The following CSRNP2 variants were observed in gnomAD, a reference collection of about 807,000 sequenced individuals.
CSRNP2 encodes cysteine and serine rich nuclear protein 2, also known as cysteine/serine-rich nuclear protein 2.
In CSRNP2, 11 loss-of-function variants were observed where a neutral mutation model predicts 36.6. The observed-to-expected ratio is 0.30, with a 90% CI of 0.19 to 0.50. CSRNP2 has a LOEUF of 0.50. CSRNP2 is among the 20% of genes least tolerant of loss of function. The probability of loss-of-function intolerance (pLI) is 0.98; values close to 1 mark genes in which losing one functional copy is unlikely to be tolerated. For synonymous variants in CSRNP2, 248 were observed against 275.3 expected (o/e 0.90, Z 0.98); for missense variants, 483 against 691.4 (o/e 0.70, Z 3.38).
At chr12:51,064,751 G>T in intron 4 of CSRNP2, 82 bp from the exon 5 acceptor site, 2 of 1,276,378 alleles carry the variant, frequency 1.6e-6, no homozygotes, top group Non-Finnish European at 2.1e-6. Flanking sequence ...TGGCAAACAG[G>T]CAGTTGGGAT....
At chr12:51,071,517 C>T (rs905314157) in intron 3 of CSRNP2, among the ~76,000 whole-genome samples, 1 of 152,058 alleles carries the variant, frequency 6.6e-6, no homozygotes, top group African/African-American at 2.4e-5. Flanking sequence ...GTAGTCCCAA[C>T]TACTTGGGAG....
chr12:51,064,300 T>C lies in CSRNP2; in HGVS notation c.1078A>G (p.Ile360Val). ...DSSIESLGVC[I>V]LEEPLAVPEE... The stretch of plus-strand genomic sequence containing the variant: ...GGGACAGCCAGAGGCTCCTCTAGGA[T>C]GCACACACCCAGGCTCTCGATGCTC... The change falls in exon 5 of 5, where the codon ATC becomes GTC. Residue 360 changes from isoleucine (I) to valine (V), a missense_variant. Physicochemically the swap from Ile to Val is conservative, Grantham distance 29. Coordinates refer to ENST00000228515, the MANE Select transcript of CSRNP2 (RefSeq NM_030809.3). 2 of 1,613,850 alleles carry C rather than the reference T, an allele frequency of 1.2e-6. No homozygotes were observed. The highest frequency in any genetic ancestry group is 4.5e-5 in the East Asian group (2 of 44,872).
chr12:51,071,963 G>A (rs141533346), intron 3 of CSRNP2, among the ~76,000 whole-genome samples: 1 of 151,636 alleles, frequency 6.6e-6, no homozygotes, highest in East Asian at 1.9e-4. Flanking sequence ...CAGGTGTAGG[G>A]CTTTAGGAAT....
intron 4 of CSRNP2, among the ~76,000 whole-genome samples, chr12:51,065,601 G>A (rs1938106544): frequency 6.6e-6 from 1 of 152,020 alleles, no homozygotes; most frequent in African/African-American, 2.4e-5. Context: ...GGGATTACAG[G>A]TGTGAGCCAC....
chr12:51,076,600 GGCCCCAAA>G lies in CSRNP2; in HGVS notation c.-47_-40del. 2 of 1,612,480 alleles carry G rather than the reference GGCCCCAAA, an allele frequency of 1.2e-6. No homozygotes were observed. The highest frequency in any genetic ancestry group is 2.2e-5 in the South Asian group (2 of 91,012). On this transcript the variant is annotated 5_prime_UTR_variant, in exon 2 of 5. Transcript: ENST00000228515. ...GTTTCCTTGGGGAGCCCACCAAGTT[GGCCCCAAA>G]GCCCCTACTCACCACCAGCTAGCCA...
chr12:51,073,264 G>A (rs182545506), intron 3 of CSRNP2, among the ~76,000 whole-genome samples: 1 of 151,512 alleles, frequency 6.6e-6, no homozygotes, highest in East Asian at 1.9e-4. Flanking sequence ...TAAAATTGAG[G>A]GAGGCAGTGG....
chr12:51,075,672 C>T (rs1939367052), intron 2 of CSRNP2, among the ~76,000 whole-genome samples: 1 of 152,190 alleles, frequency 6.6e-6, no homozygotes, highest in African/African-American at 2.4e-5. Flanking sequence ...TCCAACAAAA[C>T]AGGCATTGGG....
chr12:51,064,004 T>A lies in CSRNP2; in HGVS notation c.1374A>T (p.Ser458=), dbSNP rs754050144. 2 of 1,613,962 alleles carry A rather than the reference T, an allele frequency of 1.2e-6. No individual in the cohort carries two copies. Among genetic ancestry groups the A allele is most frequent in the African/African-American group, 2.7e-5 (2 of 74,990 alleles). The change falls in exon 5 of 5, where the codon TCA becomes TCT. Residue 458 remains serine (S), a synonymous_variant. Coordinates refer to ENST00000228515, the MANE Select transcript of CSRNP2 (RefSeq NM_030809.3). ...GGTCTGTGGAGCTACAAGCCACGAG[T>A]GAGGTAACAGGGAGAGAGAAGACAT... The part of the protein sequence containing the change: ...DLNVFSLPVT[S]LVACSSTDPA...
At position 51,076,605 on chromosome 12, in the gene CSRNP2, C is replaced by CA. The variant is rs1253554731; in HGVS notation, c.-45dup. On this transcript the variant is annotated 5_prime_UTR_variant, in exon 2 of 5. Transcript: ENST00000228515. ...CTTGGGGAGCCCACCAAGTTGGCCC[C>CA]AAAGCCCCTACTCACCACCAGCTAG... 6.2e-7 allele frequency: 1 copy of CA among 1,611,580 alleles called. No homozygotes were observed. The highest frequency in any genetic ancestry group is 1.3e-5 in the African/African-American group (1 of 74,874).
chr12:51,070,369 G>A (rs954798558), intron 3 of CSRNP2, among the ~76,000 whole-genome samples: 1 of 152,168 alleles, frequency 6.6e-6, no homozygotes, highest in Non-Finnish European at 1.5e-5. Context: ...TTCGGTACTA[G>A]GCAGGCCAAC....
intron 1 of CSRNP2, chr12:51,082,478 G>A (rs1033855379): frequency 1.3e-5 from 2 of 152,176 alleles, no homozygotes; most frequent in African/African-American, 4.8e-5. Context: ...GGATTTGCAA[G>A]ACAGAAAGCC....
intron 3 of CSRNP2, among the ~76,000 whole-genome samples, chr12:51,070,778 T>A (rs982322838): frequency 1.3e-5 from 2 of 152,028 alleles, no homozygotes; most frequent in Non-Finnish European, 2.9e-5. Context: ...AAGACAAACA[T>A]TAGATGGTAC....
intron 1 of CSRNP2, chr12:51,082,417 A>C (rs1939679394): frequency 6.6e-6 from 1 of 152,154 alleles, no homozygotes; most frequent in African/African-American, 2.4e-5. Context: ...ATTAACTCTC[A>C]AGGATATCCA....
At chr12:51,080,582 C>T (rs1939600159) in intron 1 of CSRNP2, among the ~76,000 whole-genome samples, 1 of 152,198 alleles carries the variant, frequency 6.6e-6, no homozygotes, top group Non-Finnish European at 1.5e-5. Flanking sequence ...CTGAGAATAA[C>T]TGGAACCTAT....
At position 51,073,813 on chromosome 12, in the gene CSRNP2, A is replaced by C. The variant is rs11169696; in HGVS notation, c.411+10T>G. 1,507,567 of 1,612,140 alleles carry C rather than the reference A, an allele frequency of 0.94. 708,631 individuals are homozygous for C. The highest frequency in any genetic ancestry group is 0.96 in the Non-Finnish European group (1,134,024 of 1,179,450). On this transcript the variant is annotated intron_variant, in intron 3 of 4. Coordinates refer to ENST00000228515, the MANE Select transcript of CSRNP2 (RefSeq NM_030809.3). The stretch of plus-strand genomic sequence containing the variant: ...CATGGACAGCAGTAGATCCCAGAAC[A>C]CTTAGGCACCTTCATTTTCTTGGCA...
At position 51,070,483 on chromosome 12, in the gene CSRNP2, G is replaced by A. The variant is rs527997928; in HGVS notation, c.412-2514C>T. 3.3e-5 allele frequency among the ~76,000 whole-genome samples: 5 copies of A among 152,194 alleles called. No individual in the cohort carries two copies. The South Asian group carries it at 6.2e-4, about 19-fold the overall frequency. On this transcript the variant is annotated intron_variant, in intron 3 of 4. Transcript: ENST00000228515. ...TCCTGCTGTCCTCTCATAGGCAAGG[G>A]ATTAGAGATGTAACACGAGGACACT...
At position 51,076,606 on chromosome 12, in the gene CSRNP2, A is replaced by G; in HGVS notation, c.-45T>C. On this transcript the variant is annotated 5_prime_UTR_variant, in exon 2 of 5. Transcript: ENST00000228515. The stretch of plus-strand genomic sequence containing the variant: ...TTGGGGAGCCCACCAAGTTGGCCCC[A>G]AAGCCCCTACTCACCACCAGCTAGC... 2 of 1,611,676 alleles carry G rather than the reference A, an allele frequency of 1.2e-6. No individual in the cohort carries two copies. The highest frequency in any genetic ancestry group is 1.7e-6 in the Non-Finnish European group (2 of 1,178,228).
intron 1 of CSRNP2, among the ~76,000 whole-genome samples, chr12:51,080,717 T>C (rs922933283): frequency 1.4e-4 from 22 of 152,186 alleles, no homozygotes; most frequent in African/African-American, 5.3e-4. Flanking sequence ...TAGCAGCATT[T>C]TCTCTGACAT....
intron 3 of CSRNP2, among the ~76,000 whole-genome samples, chr12:51,070,350 G>A (rs998030592): frequency 1.3e-5 from 2 of 152,182 alleles, no homozygotes; most frequent in African/African-American, 4.8e-5. Flanking sequence ...AGGTTTCCTA[G>A]TCAGTGATTT....
Sources: allele counts gnomAD v4.1 joint callset (sites outside exome capture counted in the v4.1 genomes callset), GRCh38; gene constraint gnomAD v4.1.1; transcripts MANE v1.5; gene names NCBI Gene and HGNC (gene_info 2026-07-23, HGNC 2026-07-21).